BRAF: variants seen among roughly 807,000 people sequenced by gnomAD.
BRAF encodes B-Raf proto-oncogene, serine/threonine kinase, also known as serine/threonine-protein kinase B-raf.
In BRAF, 16 loss-of-function variants were observed where a neutral mutation model predicts 104.6. The ratio of observed to expected loss-of-function variants is 0.15; its 90% CI spans 0.10 to 0.23. The LOEUF (loss-of-function observed/expected upper bound fraction) is 0.23, where lower values mean the gene tolerates loss of function less well. BRAF is among the 10% of genes least tolerant of loss of function. The pLI is 1.00. For missense variants in BRAF, 541 were observed against 937.3 expected, an observed-to-expected ratio of 0.58 and a Z score of 5.52; for synonymous variants, 310 against 341.6, an observed-to-expected ratio of 0.91 and a Z score of 1.02.
rs1293207323 is a variant in BRAF, at chr7:140,800,358, A to G, written c.980+4T>C. ...GTCGCCCAAGAGCAGAAGTCAAACC[A>G]TACCCAATAGAGTCCGAGGCGGGTG... On this transcript the variant is annotated splice_donor_region_variant and intron_variant, in intron 7 of 19. Coordinates refer to ENST00000644969, the MANE Select transcript of BRAF (RefSeq NM_001374258.1). The G allele has an allele frequency of 3.1e-6, 5 of 1,614,128 alleles. No individual in the cohort carries two copies. In the South Asian group the frequency reaches 4.4e-5, roughly 14 times the overall value.
At chr7:140,849,752 T>C (rs1199437929) in intron 2 of BRAF, among the ~76,000 whole-genome samples, 4 of 151,788 alleles carry the variant, frequency 2.6e-5, no homozygotes, top group African/African-American at 7.3e-5. Flanking sequence ...GCGGAGGTTG[T>C]AGTGAGCTGA....
chr7:140,856,041 A>T (rs1288297697), intron 1 of BRAF, among the ~76,000 whole-genome samples: 1 of 151,370 alleles, frequency 6.6e-6, no homozygotes, highest in Admixed American at 6.6e-5. Context: ...ACAAAACATA[A>T]AATAATCCAA....
At chr7:140,739,772 G>A (rs367812694) in intron 18 of BRAF, 40 bp downstream of exon 17, 84 of 1,609,430 alleles carry the variant, frequency 5.2e-5, no homozygotes, top group Non-Finnish European at 6.9e-5. Flanking sequence ...GTCTATGAAT[G>A]TTAGTCTGTT....
chr7:140,919,088 A>G (rs1395693533), intron 1 of BRAF, among the ~76,000 whole-genome samples: 1 of 150,986 alleles, frequency 6.6e-6, no homozygotes, highest in African/African-American at 2.4e-5. Flanking sequence ...CAGAGCTTGC[A>G]GTGAGCTGAG....
chr7:140,871,460 C>A (rs1811589666), intron 1 of BRAF, among the ~76,000 whole-genome samples: 1 of 152,052 alleles, frequency 6.6e-6, no homozygotes, highest in East Asian at 1.9e-4. Context: ...GCAAGGACTG[C>A]CTAGCTCACT....
chr7:140,735,316 A>C (rs1796314905), intron 18 of BRAF, among the ~76,000 whole-genome samples: 1 of 152,238 alleles, frequency 6.6e-6, no homozygotes, highest in African/African-American at 2.4e-5. Flanking sequence ...GTGACAGGGG[A>C]CAACCCAAGA....
At chr7:140,869,846 A>G (rs568329461) in intron 1 of BRAF, among the ~76,000 whole-genome samples, 1 of 152,350 alleles carries the variant, frequency 6.6e-6, no homozygotes, top group East Asian at 1.9e-4. Flanking sequence ...GCACTAAAAC[A>G]AAATTCAAGT....
chr7:140,770,234 T>A (rs1160759801), intron 14 of BRAF, among the ~76,000 whole-genome samples: 2 of 152,198 alleles, frequency 1.3e-5, no homozygotes, highest in Non-Finnish European at 2.9e-5. Context: ...CCACTTAGAA[T>A]TATTATCAAT....
At position 140,726,264 on chromosome 7, in the gene BRAF, T is replaced by G; in HGVS notation, c.*230A>C. ...CTTCCTGGGACTGGGCAGACTTGTA[T>G]GCTCGTGGTATTTTTGTTGAAGAAA... On this transcript the variant is annotated 3_prime_UTR_variant, in exon 20 of 20. Coordinates refer to ENST00000644969, the MANE Select transcript of BRAF (RefSeq NM_001374258.1). 1 of 1,402,690 alleles carries G rather than the reference T, an allele frequency of 7.1e-7. No individual in the cohort carries two copies. The highest frequency in any genetic ancestry group is 9.2e-7 in the Non-Finnish European group (1 of 1,084,920). The allele number at this position is 1,402,690 out of a possible 1,614,324, so 86.9% of individuals were successfully genotyped here.
Position 140,763,940 on chromosome 7 carries a change from C to G in BRAF, c.1815-9707G>C, listed in dbSNP as rs1799045935. Among the ~76,000 whole-genome samples the G allele has an allele frequency of 2.6e-5, 4 of 152,340 alleles. No homozygotes were observed. The South Asian group carries it at 8.3e-4, about 32-fold the overall frequency. Reference sequence around the variant, plus strand: ...GAAAAAGAGGGAATCCTCCCTAACTCATTTTATGAGGCCAGAATCATCCTG... The same window carrying G: ...GAAAAAGAGGGAATCCTCCCTAACTGATTTTATGAGGCCAGAATCATCCTG... On this transcript the variant is annotated intron_variant, in intron 14 of 19. Coordinates refer to ENST00000644969, the MANE Select transcript of BRAF (RefSeq NM_001374258.1).
At chr7:140,910,544 C>G (rs1586628309) in intron 1 of BRAF, among the ~76,000 whole-genome samples, 1 of 152,164 alleles carries the variant, frequency 6.6e-6, no homozygotes, top group East Asian at 1.9e-4. Context: ...TTGGTTGAAA[C>G]AGAAATTGCC....
At chr7:140,803,897 A>G (rs1803384010) in intron 5 of BRAF, among the ~76,000 whole-genome samples, 2 of 152,096 alleles carry the variant, frequency 1.3e-5, no homozygotes, top group African/African-American at 4.8e-5. Context: ...TTTGCTCTGT[A>G]TTCTTGAGAT....
At chr7:140,904,102 TCTAA>T (rs1294567145) in intron 1 of BRAF, among the ~76,000 whole-genome samples, 1 of 152,206 alleles carries the variant, frequency 6.6e-6, no homozygotes, top group Non-Finnish European at 1.5e-5. Context: ...GAGGACTGAC[TCTAA>T]TTTTAAAAGC....
intron 14 of BRAF, among the ~76,000 whole-genome samples, chr7:140,775,459 T>C (rs902804502): frequency 6.6e-6 from 1 of 152,090 alleles, no homozygotes; most frequent in African/African-American, 2.4e-5. Context: ...GTGATTCTTC[T>C]GCCTTAGCCT....
At chr7:140,880,027 C>A (rs915150302) in intron 1 of BRAF, among the ~76,000 whole-genome samples, 2 of 152,086 alleles carry the variant, frequency 1.3e-5, no homozygotes, top group Admixed American at 6.5e-5. Context: ...CTACCGTGCC[C>A]GGCCGGCAAT....
intron 14 of BRAF, among the ~76,000 whole-genome samples, 167 bp from the exon 14 acceptor site, chr7:140,754,400 A>G (rs1043296718): frequency 1.3e-5 from 2 of 152,206 alleles, no homozygotes; most frequent in African/African-American, 4.8e-5. Flanking sequence ...CTGTAAATGA[A>G]TTTAAGATTA....
At chr7:140,868,584 G>A (rs1019473528) in intron 1 of BRAF, among the ~76,000 whole-genome samples, 6 of 151,888 alleles carry the variant, frequency 4.0e-5, no homozygotes, top group Non-Finnish European at 7.4e-5. Flanking sequence ...ATAAGGATTG[G>A]GGGAGAATGG....
intron 14 of BRAF, among the ~76,000 whole-genome samples, chr7:140,756,207 C>T (rs1001498168): frequency 3.3e-5 from 5 of 152,104 alleles, no homozygotes; most frequent in Non-Finnish European, 5.9e-5. Flanking sequence ...TTGTTATAGG[C>T]CGAGTTGCAT....
intron 1 of BRAF, among the ~76,000 whole-genome samples, chr7:140,914,403 T>C (rs1433783044): frequency 1.3e-5 from 2 of 152,240 alleles, no homozygotes; most frequent in Non-Finnish European, 2.9e-5. Flanking sequence ...AGAATATGAG[T>C]GGAATATCAT....
Sources: gnomAD v4.1 joint callset for allele counts (sites outside exome capture counted in the v4.1 genomes callset) on GRCh38, gnomAD v4.1.1 for gene constraint, MANE v1.5 for transcripts, NCBI Gene and HGNC (gene_info 2026-07-23, HGNC 2026-07-21) for gene names.